The following VPS13B variants were observed in gnomAD, a reference collection of about 807,000 sequenced individuals.
VPS13B encodes the protein intermembrane lipid transfer protein VPS13B.
Under a neutral mutation model 426.4 loss-of-function variants are expected in VPS13B, and 285 were observed. The observed-to-expected ratio is 0.67, with a 90% CI of 0.61 to 0.74. The LOEUF (loss-of-function observed/expected upper bound fraction) is 0.74, where lower values mean the gene tolerates loss of function less well. VPS13B is among the 30% of genes least tolerant of loss of function. The pLI is 0.00. For synonymous variants in VPS13B, 1,676 were observed against 1,676.4 expected (o/e 1.00, Z 0.01); for missense variants, 4,537 against 4,782.6 (o/e 0.95, Z 1.51).
intron 61 of VPS13B, among the ~76,000 whole-genome samples, chr8:99,872,138 T>G (rs1289418184): frequency 6.6e-6 from 1 of 152,090 alleles, no homozygotes; most frequent in Non-Finnish European, 1.5e-5. Flanking sequence ...AAGCCTAAAG[T>G]CAGGTCCTTG....
At chr8:99,660,578 A>G (rs1209507421) in intron 34 of VPS13B, among the ~76,000 whole-genome samples, 4 of 152,132 alleles carry the variant, frequency 2.6e-5, no homozygotes, top group Non-Finnish European at 4.4e-5. Flanking sequence ...ATGCCAAGAT[A>G]CAGCAGTCGT....
intron 59 of VPS13B, 147 bp downstream of exon 59, chr8:99,868,612 A>C: frequency 2.2e-6 from 2 of 929,122 alleles, no homozygotes; most frequent in Non-Finnish European, 3.3e-6. Context: ...ACAGAGTAGA[A>C]TTTTACTACT....
At chr8:99,870,020 T>A (rs372036932) in intron 59 of VPS13B, among the ~76,000 whole-genome samples, 1 of 152,260 alleles carries the variant, frequency 6.6e-6, no homozygotes, top group Non-Finnish European at 1.5e-5. Context: ...CATAAATGTA[T>A]ATGGATTCGT....
intron 33 of VPS13B, among the ~76,000 whole-genome samples, chr8:99,591,564 C>G (rs1451854191): frequency 6.6e-6 from 1 of 152,100 alleles, no homozygotes; most frequent in Non-Finnish European, 1.5e-5. Flanking sequence ...CAAAATCTCT[C>G]AGCATTTGCT....
At chr8:99,185,460 T>C (rs1813170206) in intron 16 of VPS13B, among the ~76,000 whole-genome samples, 1 of 152,220 alleles carries the variant, frequency 6.6e-6, no homozygotes, top group East Asian at 1.9e-4. Flanking sequence ...TTTTCATTTC[T>C]AAGTTGAGTT....
intron 21 of VPS13B, among the ~76,000 whole-genome samples, chr8:99,424,778 G>C (rs1816594826): frequency 6.6e-6 from 1 of 152,114 alleles, no homozygotes; most frequent in African/African-American, 2.4e-5. Flanking sequence ...GAATCCAGGA[G>C]CTGGTTTTTT....
rs1381950928 is a variant in VPS13B at position 99,620,122 on chromosome 8, A to G, written c.5221-21689A>G. Among the ~76,000 whole-genome samples, 7 of 152,170 alleles carry G rather than the reference A, an allele frequency of 4.6e-5. No individual in the cohort carries two copies. In the East Asian group the frequency reaches 7.7e-4, roughly 17 times the overall value. On this transcript the variant is annotated intron_variant, in intron 33 of 61. Coordinates refer to ENST00000357162, the MANE Select transcript of VPS13B (RefSeq NM_152564.5). ...AGAGAATGTAGGTAGGATGCTTACC[A>G]TAAAATTCTTTCAAGTTTTTCTGTG...
intron 5 of VPS13B, 128 bp downstream of exon 5, chr8:99,103,248 A>C: frequency 9.5e-7 from 1 of 1,051,614 alleles, no homozygotes; most frequent in Non-Finnish European, 1.5e-6. Context: ...CAGTGTGGGA[A>C]AAAAATGCAC....
chr8:99,287,017 C>A (rs190133414), intron 19 of VPS13B, among the ~76,000 whole-genome samples: 1 of 152,158 alleles, frequency 6.6e-6, no homozygotes, highest in East Asian at 1.9e-4. Context: ...TTGCCAATAC[C>A]TGGAACGTGC....
intron 33 of VPS13B, among the ~76,000 whole-genome samples, chr8:99,602,441 A>C (rs1397546297): frequency 6.6e-6 from 1 of 152,170 alleles, no homozygotes; most frequent in East Asian, 1.9e-4. Context: ...TGATGCCTCC[A>C]GCTTTCTTTT....
intron 19 of VPS13B, among the ~76,000 whole-genome samples, chr8:99,349,240 G>A (rs1466294076): frequency 7.1e-6 from 1 of 141,466 alleles, no homozygotes; most frequent in African/African-American, 2.7e-5. Context: ...GGCTGAGGCA[G>A]GAGAATGGCG....
chr8:99,481,088 TA>T lies in VPS13B; in HGVS notation c.3667-503del, dbSNP rs1334989586. Among the ~76,000 whole-genome samples the T allele has an allele frequency of 3.3e-5, 5 of 152,160 alleles. No homozygotes were observed. The South Asian group carries it at 1.0e-3, about 32-fold the overall frequency. The stretch of plus-strand genomic sequence containing the variant: ...TAGGTTGGATATGTTCTTTATCTAT[TA>T]AAAAAAAGTCTCATATGTAACATTT... On this transcript the variant is annotated intron_variant, in intron 24 of 61. Coordinates refer to ENST00000357162, the MANE Select transcript of VPS13B (RefSeq NM_152564.5).
chr8:99,466,389 T>C (rs1163337964), intron 23 of VPS13B, among the ~76,000 whole-genome samples: 1 of 152,156 alleles, frequency 6.6e-6, no homozygotes. Context: ...GTTCGTGTTA[T>C]ACTCTCTGTA....
At chr8:99,473,990 C>T (rs1372992304) in intron 24 of VPS13B, among the ~76,000 whole-genome samples, 1 of 152,092 alleles carries the variant, frequency 6.6e-6, no homozygotes, top group Non-Finnish European at 1.5e-5. Context: ...GAAAACTTAA[C>T]ACCTGAAAGA....
Position 99,052,749 on chromosome 8 carries a change from A to G in VPS13B, c.291+14183A>G, listed in dbSNP as rs1040002425. 9.2e-5 allele frequency among the ~76,000 whole-genome samples: 14 copies of G among 152,142 alleles called. No individual in the cohort carries two copies. The East Asian group carries it at 1.9e-3, about 21-fold the overall frequency. Reference sequence around the variant, plus strand: ...ATTCAGAGATTCAACTTCTTCCTGGATTAGTCTTGGGAGGGTGTATGTGTC... The same window carrying G: ...ATTCAGAGATTCAACTTCTTCCTGGGTTAGTCTTGGGAGGGTGTATGTGTC... On this transcript the variant is annotated intron_variant, in intron 3 of 61. Transcript: ENST00000357162.
intron 58 of VPS13B, among the ~76,000 whole-genome samples, chr8:99,862,595 TTTTG>T (rs1418005752): frequency 4.6e-5 from 7 of 152,240 alleles, no homozygotes; most frequent in African/African-American, 9.6e-5. Flanking sequence ...TCAAGGATTT[TTTTG>T]TTTATTTGTT....
At chr8:99,017,941 T>C (rs1316953168) in intron 2 of VPS13B, among the ~76,000 whole-genome samples, 1 of 152,130 alleles carries the variant, frequency 6.6e-6, no homozygotes, top group Non-Finnish European at 1.5e-5. Flanking sequence ...TAGTTTTGAG[T>C]TTTTCAATTC....
chr8:99,692,783 T>C (rs1485627847), intron 35 of VPS13B, among the ~76,000 whole-genome samples: 2 of 146,898 alleles, frequency 1.4e-5, no homozygotes, highest in Non-Finnish European at 3.0e-5. Context: ...ATCAACAAAA[T>C]TGATAGACCG....
intron 22 of VPS13B, among the ~76,000 whole-genome samples, chr8:99,437,747 A>T (rs1409009440): frequency 6.6e-6 from 1 of 152,122 alleles, no homozygotes; most frequent in East Asian, 1.9e-4. Context: ...ATAAAAATAT[A>T]TAAACTTTGG....
Sources: gnomAD v4.1 joint callset for allele counts (sites outside exome capture counted in the v4.1 genomes callset) on GRCh38, gnomAD v4.1.1 for gene constraint, MANE v1.5 for transcripts, NCBI Gene and HGNC (gene_info 2026-07-23, HGNC 2026-07-21) for gene names.